Variants in ATP7B observed in about 807,000 individuals in gnomAD.
The protein encoded by ATP7B is copper-transporting ATPase 2.
A neutral mutation model predicts 118.9 loss-of-function variants in ATP7B; 113 were observed. That is an observed-to-expected ratio of 0.95 (90% CI 0.82 to 1.11). The LOEUF is 1.11. ATP7B is among the 50% of genes most tolerant of loss of function. ATP7B has a pLI of 0.00. For missense variants in ATP7B, 1,867 were observed against 1,871.4 expected, an observed-to-expected ratio of 1.00 and a Z score of 0.04; for synonymous variants, 777 against 727.4, an observed-to-expected ratio of 1.07 and a Z score of -1.10.
chr13:52,011,193 C>T, intron 1 of ATP7B, 94 bp downstream of exon 1: 1 of 1,596,770 alleles, frequency 6.3e-7, no homozygotes, highest in Non-Finnish European at 8.6e-7. Context: ...CTTCCCTGCG[C>T]ACCCCCTGGG....
At position 51,941,063 on chromosome 13, in the gene ATP7B, G is replaced by A; in HGVS notation, c.3556+18C>T. Reference sequence around the variant, plus strand: ...TGTATTTCTGAGAGAGCGGAAGGAAGGCAGAAGCAGAAGATACCGTCAATA... The same window carrying A: ...TGTATTTCTGAGAGAGCGGAAGGAAAGCAGAAGCAGAAGATACCGTCAATA... On this transcript the variant is annotated intron_variant, in intron 16 of 20. Transcript: ENST00000242839. The A allele has an allele frequency of 6.2e-7, 1 of 1,614,186 alleles. No homozygotes were observed. The highest frequency in any genetic ancestry group is 8.5e-7 in the Non-Finnish European group (1 of 1,180,046).
intron 1 of ATP7B, among the ~76,000 whole-genome samples, chr13:51,985,462 A>G (rs777693097): frequency 6.6e-6 from 1 of 152,234 alleles, no homozygotes; most frequent in Admixed American, 6.5e-5. Context: ...CCACACAGTA[A>G]TAGTGGGAGA....
chr13:51,937,305 T>G lies in ATP7B; in HGVS notation c.3992A>C (p.Tyr1331Ser), dbSNP rs1131691741. Residue 1331 changes from tyrosine (Y) to serine (S), a missense_variant, in exon 19 of 21, where the codon TAT becomes TCT. Tyr to Ser is a moderately radical substitution (Grantham distance 144). Transcript: ENST00000242839. ...TGCAATGGGTATCCCAACCAGGTTATAAATCAGTGCCAGGACCAGGTTGAT... is the reference window on the plus strand; with the variant it reads ...TGCAATGGGTATCCCAACCAGGTTAGAAATCAGTGCCAGGACCAGGTTGAT... ...IRINLVLALI[Y>S]NLVGIPIAAG... 6.8e-6 allele frequency: 11 copies of G among 1,614,094 alleles called. No homozygotes were observed. Among genetic ancestry groups the G allele is most frequent in the Non-Finnish European group, 7.6e-6 (9 of 1,180,034 alleles).
intron 1 of ATP7B, among the ~76,000 whole-genome samples, chr13:51,990,571 T>C (rs1489107614): frequency 6.6e-6 from 1 of 152,260 alleles, no homozygotes; most frequent in African/African-American, 2.4e-5. Context: ...GCTACTAATG[T>C]TTGTATCCAG....
At chr13:51,957,474 G>A in intron 9 of ATP7B, 42 bp downstream of exon 9, 1 of 1,573,818 alleles carries the variant, frequency 6.4e-7, no homozygotes, top group Non-Finnish European at 8.7e-7. Context: ...CACACAGATT[G>A]ATAGATACCA....
chr13:51,984,347 G>A (rs543951862), intron 1 of ATP7B, among the ~76,000 whole-genome samples: 32 of 152,124 alleles, frequency 2.1e-4, no homozygotes, highest in African/African-American at 2.9e-4. Flanking sequence ...GAAATAAAGC[G>A]TGAAGACAAG....
chr13:51,957,935 A>C (rs1958464038), intron 8 of ATP7B: 1 of 459,144 alleles, frequency 2.2e-6, no homozygotes, highest in South Asian at 2.1e-5. Context: ...TGTAAGATAC[A>C]TTTCAGTGTT....
chr13:51,982,333 T>C (rs1054511851), intron 1 of ATP7B, among the ~76,000 whole-genome samples: 4 of 152,240 alleles, frequency 2.6e-5, no homozygotes, highest in Non-Finnish European at 5.9e-5. Flanking sequence ...GTTTTAAGTA[T>C]GAATTCCAGC....
chr13:51,943,989 T>C lies in ATP7B; in HGVS notation c.3243+120A>G, dbSNP rs542463832. 1.7e-4 allele frequency: 219 copies of C among 1,311,400 alleles called. 3 individuals carry two copies. The East Asian group carries it at 5.3e-3, about 32-fold the overall frequency. The allele number at this position is 1,311,400 out of a possible 1,614,324, so 81.2% of individuals were successfully genotyped here. A position where few individuals can be genotyped will look rare whatever the true frequency, so the allele number is the denominator to read the frequency against. On this transcript the variant is annotated intron_variant, in intron 14 of 20. Coordinates refer to ENST00000242839, the MANE Select transcript of ATP7B (RefSeq NM_000053.4). ...ATCTCCGCCTGCTGCAGAAGGGCCC[T>C]CTAAGTGGTTTTCCAGACCACACAG...
intron 5 of ATP7B, among the ~76,000 whole-genome samples, chr13:51,964,201 A>T (rs867851264): frequency 6.6e-6 from 1 of 152,096 alleles, no homozygotes; most frequent in Non-Finnish European, 1.5e-5. Flanking sequence ...TTCATAAGCG[A>T]TTTTATAACA....
intron 13 of ATP7B, 151 bp downstream of exon 13, chr13:51,946,133 A>G: frequency 9.5e-7 from 1 of 1,056,428 alleles, no homozygotes; most frequent in Non-Finnish European, 1.4e-6. Flanking sequence ...CTCTGTTGCT[A>G]CTGTTGTTAT....
At chr13:51,948,998 G>A (rs778093395) in intron 12 of ATP7B, among the ~76,000 whole-genome samples, 2 of 152,084 alleles carry the variant, frequency 1.3e-5, no homozygotes, top group Non-Finnish European at 2.9e-5. Flanking sequence ...TGACTAATAC[G>A]GTGAAACCCC....
intron 1 of ATP7B, among the ~76,000 whole-genome samples, chr13:51,996,494 G>C (rs1953215118): frequency 2.0e-5 from 3 of 152,198 alleles, no homozygotes; most frequent in South Asian, 2.1e-4. Context: ...CTGCAAGTGA[G>C]TGTGGAATTG....
chr13:51,983,362 T>C (rs977210851), intron 1 of ATP7B, among the ~76,000 whole-genome samples: 3 of 152,156 alleles, frequency 2.0e-5, no homozygotes, highest in African/African-American at 4.8e-5. Flanking sequence ...ACTGCCTCTC[T>C]AGATTCCTCT....
chr13:51,952,503 A>G (rs1357308647), intron 9 of ATP7B, among the ~76,000 whole-genome samples: 1 of 152,246 alleles, frequency 6.6e-6, no homozygotes, highest in Non-Finnish European at 1.5e-5. Context: ...GAACTGTGCT[A>G]GATTTTTACA....
intron 1 of ATP7B, among the ~76,000 whole-genome samples, chr13:52,006,911 T>C (rs530322750): frequency 6.6e-6 from 1 of 152,302 alleles, no homozygotes; most frequent in Non-Finnish European, 1.5e-5. Flanking sequence ...CTGTGGGTGC[T>C]GTACCATGTA....
chr13:51,947,709 T>A (rs931336625), intron 12 of ATP7B: 1 of 152,214 alleles, frequency 6.6e-6, no homozygotes, highest in African/African-American at 2.4e-5. Context: ...TAATCTTTTT[T>A]AAAAATACAC....
rs2139490880 is a variant in ATP7B, at chr13:51,957,401, G to C, written c.2447+115C>G. The C allele has an allele frequency of 1.5e-5, 16 of 1,061,552 alleles. No homozygotes were observed. In the South Asian group the frequency reaches 1.8e-4, roughly 12 times the overall value. The allele number at this position is 1,061,552 out of a possible 1,614,324, so 65.8% of individuals were successfully genotyped here. On this transcript the variant is annotated intron_variant, in intron 9 of 20. Transcript: ENST00000242839. ...GGATTGAGAGTGGTGATCTTACTGT[G>C]TCTCTGCCCACACTCACAAGGTCTA... is the stretch of plus-strand genomic sequence containing the variant.
chr13:51,938,743 T>C (rs1244982212), intron 17 of ATP7B, among the ~76,000 whole-genome samples: 1 of 152,146 alleles, frequency 6.6e-6, no homozygotes, highest in African/African-American at 2.4e-5. Context: ...GGTTAGAAAA[T>C]GTCTATCTCA....
Sources: allele counts gnomAD v4.1 joint callset (sites outside exome capture counted in the v4.1 genomes callset), GRCh38; gene constraint gnomAD v4.1.1; transcripts MANE v1.5; gene names NCBI Gene and HGNC (gene_info 2026-07-23, HGNC 2026-07-21).